The following MAPK8 variants were observed in gnomAD, a reference collection of about 807,000 sequenced individuals.
MAPK8 encodes JUN N-terminal kinase.
A neutral mutation model predicts 52.9 loss-of-function variants in MAPK8; 13 were observed. The ratio of observed to expected loss-of-function variants is 0.25; its 90% CI spans 0.16 to 0.39. MAPK8 has a LOEUF of 0.39. MAPK8 is among the 10% of genes least tolerant of loss of function. The pLI is 1.00. For synonymous variants in MAPK8, 191 were observed against 169.8 expected (o/e 1.12, Z -0.97); for missense variants, 300 against 519.2 (o/e 0.58, Z 4.10).
chr10:48,346,114 C>T (rs1434420235), intron 1 of MAPK8, among the ~76,000 whole-genome samples: 1 of 152,178 alleles, frequency 6.6e-6, no homozygotes, highest in Non-Finnish European at 1.5e-5. Flanking sequence ...CTTTGGTATA[C>T]AAAAGCCTGT....
At position 48,409,916 on chromosome 10, in the gene MAPK8, C is replaced by G. The variant is rs773674759; in HGVS notation, c.290C>G (p.Ser97Cys). 1.2e-6 allele frequency: 2 copies of G among 1,611,336 alleles called. No individual in the cohort carries two copies. The highest frequency in any genetic ancestry group is 1.7e-6 in the Non-Finnish European group (2 of 1,178,124). The change falls in exon 4 of 12, where the codon TCC becomes TGC. Residue 97 changes from serine (S) to cysteine (C), a missense_variant. Ser to Cys is a moderately radical substitution (Grantham distance 112). Transcript: ENST00000374189. ...GLLNVFTPQK[S>C]LEEFQDVYIV... ...TTGAATGTTTTCACACCACAGAAAT[C>G]CCTAGAAGAATTTCAAGATGTGTAA...
intron 1 of MAPK8, among the ~76,000 whole-genome samples, chr10:48,364,956 T>A (rs541885394): frequency 1.6e-4 from 24 of 152,280 alleles, no homozygotes; most frequent in African/African-American, 5.8e-4. Flanking sequence ...AGAGAAAGTG[T>A]TTGCACCTAA....
At chr10:48,412,282 T>A (rs2085774509) in intron 5 of MAPK8, among the ~76,000 whole-genome samples, 1 of 152,238 alleles carries the variant, frequency 6.6e-6, no homozygotes. Flanking sequence ...AGATGCCTTT[T>A]TGTCTTTCGC....
intron 1 of MAPK8, among the ~76,000 whole-genome samples, chr10:48,318,134 A>G (rs913649194): frequency 1.3e-5 from 2 of 152,146 alleles, no homozygotes; most frequent in African/African-American, 4.8e-5. Context: ...TGAAATCTGT[A>G]GGGCAGGCAG....
intron 1 of MAPK8, among the ~76,000 whole-genome samples, chr10:48,359,993 A>G (rs183029295): frequency 6.6e-6 from 1 of 152,284 alleles, no homozygotes; most frequent in East Asian, 1.9e-4. Flanking sequence ...TTTGCAACAC[A>G]TAATTGAGAA....
chr10:48,370,735 C>A (rs1174887893), intron 1 of MAPK8, among the ~76,000 whole-genome samples: 1 of 151,964 alleles, frequency 6.6e-6, no homozygotes, highest in African/African-American at 2.4e-5. Context: ...GAAGGAAGAG[C>A]AAGTTAGTTT....
chr10:48,428,497 A>T (rs1947254354), intron 10 of MAPK8, among the ~76,000 whole-genome samples: 1 of 152,216 alleles, frequency 6.6e-6, no homozygotes, highest in African/African-American at 2.4e-5. Context: ...AAACATGAAT[A>T]AGTGACCCAT....
chr10:48,343,118 C>G (rs1195791154), intron 1 of MAPK8, among the ~76,000 whole-genome samples: 2 of 152,194 alleles, frequency 1.3e-5, no homozygotes, highest in Non-Finnish European at 1.5e-5. Flanking sequence ...ATTACCAGTT[C>G]TACTGGCTTG....
intron 5 of MAPK8, among the ~76,000 whole-genome samples, chr10:48,419,677 T>A (rs540368136): frequency 6.6e-6 from 1 of 152,332 alleles, no homozygotes; most frequent in South Asian, 2.1e-4. Flanking sequence ...TCTGCCAGTC[T>A]AAAAGATCAA....
chr10:48,372,246 T>C (rs2040373172), intron 1 of MAPK8, among the ~76,000 whole-genome samples: 1 of 152,000 alleles, frequency 6.6e-6, no homozygotes, highest in Non-Finnish European at 1.5e-5. Context: ...CAAAGGTAGA[T>C]AAGTCCATGA....
chr10:48,378,273 T>C (rs936557629), intron 1 of MAPK8, among the ~76,000 whole-genome samples: 7 of 152,194 alleles, frequency 4.6e-5, no homozygotes, highest in Non-Finnish European at 1.0e-4. Context: ...TCCCAAAAGC[T>C]GACTTAGGAT....
intron 1 of MAPK8, among the ~76,000 whole-genome samples, chr10:48,345,308 T>C (rs541601782): frequency 1.1e-4 from 16 of 152,342 alleles, no homozygotes; most frequent in Non-Finnish European, 1.8e-4. Context: ...CTCTCAACTA[T>C]TGGGTACCTT....
At chr10:48,339,834 AT>A (rs57610001) in intron 1 of MAPK8, among the ~76,000 whole-genome samples, 98 of 152,364 alleles carry the variant, frequency 6.4e-4, no homozygotes, top group African/African-American at 2.4e-3. Context: ...GAGAAATGAA[AT>A]TGAAACCACA....
At chr10:48,350,862 A>G (rs539819678) in intron 1 of MAPK8, among the ~76,000 whole-genome samples, 4 of 152,206 alleles carry the variant, frequency 2.6e-5, no homozygotes, top group Non-Finnish European at 5.9e-5. Context: ...GTATATTTAG[A>G]AAACCCCATC....
At chr10:48,340,428 C>G (rs1290150925) in intron 1 of MAPK8, among the ~76,000 whole-genome samples, 1 of 152,124 alleles carries the variant, frequency 6.6e-6, no homozygotes, top group East Asian at 1.9e-4. Context: ...AAACCTCCCT[C>G]CTGGGTACTA....
At chr10:48,381,951 C>T (rs1265249171) in intron 1 of MAPK8, among the ~76,000 whole-genome samples, 1 of 152,124 alleles carries the variant, frequency 6.6e-6, no homozygotes, top group Non-Finnish European at 1.5e-5. Flanking sequence ...CAGGGCCTAT[C>T]TGAGTCCTGA....
chr10:48,309,968 G>A (rs59377405), intron 1 of MAPK8, among the ~76,000 whole-genome samples: 5,533 of 152,256 alleles, frequency 0.036, 283 homozygotes, highest in African/African-American at 0.11. Flanking sequence ...TTAATCATGA[G>A]CTCTTTACCT....
chr10:48,337,202 A>G (rs1256867556), intron 1 of MAPK8, among the ~76,000 whole-genome samples: 1 of 152,200 alleles, frequency 6.6e-6, no homozygotes, highest in Non-Finnish European at 1.5e-5. Context: ...AAAAATGACC[A>G]CATGCTCAGT....
intron 1 of MAPK8, among the ~76,000 whole-genome samples, chr10:48,319,454 C>G (rs563942496): frequency 6.6e-6 from 1 of 152,160 alleles, no homozygotes; most frequent in South Asian, 2.1e-4. Context: ...AGCCACTTAC[C>G]CACTTTCTTC....
Sources: allele counts gnomAD v4.1 joint callset (sites outside exome capture counted in the v4.1 genomes callset), GRCh38; gene constraint gnomAD v4.1.1; transcripts MANE v1.5; gene names NCBI Gene and HGNC (gene_info 2026-07-23, HGNC 2026-07-21).